VIT: variants seen among roughly 807,000 people sequenced by gnomAD.
VIT encodes vitrin.
In VIT, 99 loss-of-function variants were observed where a neutral mutation model predicts 78.0. The observed-to-expected ratio is 1.27, with a 90% CI of 1.08 to 1.50. The LOEUF (loss-of-function observed/expected upper bound fraction) is 1.50, where lower values mean the gene tolerates loss of function less well. Among genes scored for constraint, VIT ranks in the 40% most tolerant of loss-of-function variants. The pLI, the probability that VIT is intolerant of heterozygous loss-of-function variation, is 0.00. For synonymous variants in VIT, 374 were observed against 334.3 expected (o/e 1.12, Z -1.29); for missense variants, 1,126 against 875.3 (o/e 1.29, Z -3.61).
At chr2:36,729,220 C>G (rs1013626746) in intron 2 of VIT, among the ~76,000 whole-genome samples, 1 of 152,092 alleles carries the variant, frequency 6.6e-6, no homozygotes, top group South Asian at 2.1e-4. Context: ...TAAGTACACT[C>G]TACAATATCG....
At chr2:36,798,249 T>C (rs1310165899) in intron 12 of VIT, among the ~76,000 whole-genome samples, 1 of 152,130 alleles carries the variant, frequency 6.6e-6, no homozygotes, top group African/African-American at 2.4e-5. Flanking sequence ...CTCTAGCAGA[T>C]GGCCACACAA....
intron 15 of VIT, among the ~76,000 whole-genome samples, chr2:36,813,410 T>C (rs1427734975): frequency 2.0e-5 from 3 of 152,096 alleles, no homozygotes; most frequent in African/African-American, 7.2e-5. Context: ...GGTCACACCA[T>C]TGCACTCTAG....
chr2:36,717,119 T>C (rs187400452), intron 2 of VIT, among the ~76,000 whole-genome samples: 1,654 of 150,976 alleles, frequency 0.011, 31 homozygotes, highest in African/African-American at 0.039. Context: ...TCGTGATCCG[T>C]CCACCTCAGC....
At chr2:36,770,995 G>A (rs1417265519) in intron 7 of VIT, among the ~76,000 whole-genome samples, 2 of 152,214 alleles carry the variant, frequency 1.3e-5, no homozygotes, top group Non-Finnish European at 2.9e-5. Flanking sequence ...ATTTGAGGCA[G>A]GAAGAGAGGC....
At chr2:36,698,111 A>C (rs1192510681) in intron 1 of VIT, among the ~76,000 whole-genome samples, 1 of 150,562 alleles carries the variant, frequency 6.6e-6, no homozygotes, top group African/African-American at 2.4e-5. Context: ...TCTTTTGTAC[A>C]AAAAGCTTTA....
chr2:36,790,397 C>G (rs1665407023), intron 12 of VIT, among the ~76,000 whole-genome samples: 2 of 152,214 alleles, frequency 1.3e-5, no homozygotes, highest in Admixed American at 6.5e-5. Context: ...TTCATAACTT[C>G]ACTTTGCACT....
At chr2:36,766,093 T>C (rs990105461) in intron 6 of VIT, among the ~76,000 whole-genome samples, 1 of 152,240 alleles carries the variant, frequency 6.6e-6, no homozygotes, top group Admixed American at 6.5e-5. Flanking sequence ...GGGTAGCCAC[T>C]TGTCCCCTTG....
chr2:36,798,553 G>A (rs1161265157), intron 12 of VIT, among the ~76,000 whole-genome samples: 2 of 152,220 alleles, frequency 1.3e-5, no homozygotes, highest in Admixed American at 6.5e-5. Flanking sequence ...TCAGGAGTTC[G>A]AGACCAGCCT....
At position 36,787,170 on chromosome 2, in the gene VIT, A is replaced by G. The variant is rs1309995566; in HGVS notation, c.952A>G (p.Ser318Gly). The G allele has an allele frequency of 6.2e-7, 1 of 1,614,090 alleles. No homozygotes were observed. The highest frequency in any genetic ancestry group is 1.3e-5 in the African/African-American group (1 of 74,920). ...DLSFLIDGST[S>G]IGKRRFRIQK... ...GTCGTTTTTAATTGATGGGAGCACC[A>G]GCATTGGCAAACGGCGATTCCGAAT... Residue 318 changes from serine to glycine, a missense_variant, in exon 12 of 16, where the codon AGC becomes GGC. Transcript: ENST00000379242.
In VIT at chr2:36,781,713, A is replaced by C. The variant is rs746244457; in HGVS notation, c.803-14A>C. 1 of 1,614,026 alleles carries C rather than the reference A, an allele frequency of 6.2e-7. No individual in the cohort carries two copies. Among genetic ancestry groups the C allele is most frequent in the Non-Finnish European group, 8.5e-7 (1 of 1,179,980 alleles). On this transcript the variant is annotated splice_polypyrimidine_tract_variant and intron_variant, in intron 9 of 15. Coordinates refer to ENST00000379242, the MANE Select transcript of VIT (RefSeq NM_053276.4). ...TAAGTAACAAGTTTGTTTCTTTTCA[A>C]TTTTGAAAATCAGGAGAGATGGACT...
intron 14 of VIT, among the ~76,000 whole-genome samples, chr2:36,807,393 C>G (rs539756995): frequency 2.6e-4 from 39 of 152,300 alleles, no homozygotes; most frequent in Middle Eastern, 3.4e-3. Flanking sequence ...GCCTCTGTCT[C>G]CTGCTGTGAC....
At chr2:36,803,657 A>T (rs1391841216) in intron 13 of VIT, among the ~76,000 whole-genome samples, 1 of 152,206 alleles carries the variant, frequency 6.6e-6, no homozygotes, top group Non-Finnish European at 1.5e-5. Context: ...TTTCCAAGAC[A>T]TTTCTGCAGC....
chr2:36,721,101 G>C (rs539480837), intron 2 of VIT, among the ~76,000 whole-genome samples: 1 of 151,902 alleles, frequency 6.6e-6, no homozygotes, highest in Non-Finnish European at 1.5e-5. Context: ...TTATAAAACC[G>C]CATTGTTTAC....
intron 4 of VIT, among the ~76,000 whole-genome samples, chr2:36,754,685 C>G (rs1189406706): frequency 3.9e-5 from 6 of 152,152 alleles, no homozygotes; most frequent in African/African-American, 1.4e-4. Context: ...AAATCCCTGA[C>G]AGAACAATCA....
At chr2:36,759,670 G>A (rs1230612369) in intron 6 of VIT, 8 of 989,356 alleles carry the variant, frequency 8.1e-6, no homozygotes, top group South Asian at 4.6e-5. Context: ...ACTGTGAGTC[G>A]CTTTATAACG....
chr2:36,805,004 A>G (rs1014337882), intron 13 of VIT, among the ~76,000 whole-genome samples: 2 of 152,034 alleles, frequency 1.3e-5, no homozygotes, highest in Non-Finnish European at 1.5e-5. Context: ...AGTTGAAGTG[A>G]TTTTAAAAAA....
chr2:36,716,551 C>A, intron 2 of VIT, 129 bp downstream of exon 2: 1 of 743,604 alleles, frequency 1.3e-6, no homozygotes, highest in Non-Finnish European at 2.2e-6. Flanking sequence ...TTATAAGAAA[C>A]ATTTTGAAGA....
chr2:36,699,267 C>A (rs1423618643), intron 1 of VIT, among the ~76,000 whole-genome samples: 2 of 139,608 alleles, frequency 1.4e-5, no homozygotes, highest in African/African-American at 5.2e-5. Context: ...AGAAGTTACA[C>A]AAGATAGTCT....
At chr2:36,712,430 T>A (rs1665862030) in intron 1 of VIT, among the ~76,000 whole-genome samples, 1 of 152,224 alleles carries the variant, frequency 6.6e-6, no homozygotes, top group South Asian at 2.1e-4. Flanking sequence ...TTGAGAGCAC[T>A]TCTCTCTGCT....
Sources: gnomAD v4.1 joint callset for allele counts (sites outside exome capture counted in the v4.1 genomes callset) on GRCh38, gnomAD v4.1.1 for gene constraint, MANE v1.5 for transcripts, NCBI Gene and HGNC (gene_info 2026-07-23, HGNC 2026-07-21) for gene names.